The following ARHGEF10 variants were observed in gnomAD, a reference collection of about 807,000 sequenced individuals.
ARHGEF10 encodes Rho guanine nucleotide exchange factor 10, also known as Rho guanine nucleotide exchange factor (GEF) 10.
In ARHGEF10, 140 loss-of-function variants were observed where a neutral mutation model predicts 147.4. The observed-to-expected ratio is 0.95, with a 90% CI of 0.83 to 1.09. The LOEUF is 1.09. Ranked by LOEUF, ARHGEF10 falls within the 50% of genes least tolerant of loss-of-function variation. ARHGEF10 has a pLI of 0.00. For synonymous variants in ARHGEF10, 902 were observed against 695.8 expected, an observed-to-expected ratio of 1.30 and a Z score of -4.67; for missense variants, 2,222 against 1,752.7, an observed-to-expected ratio of 1.27 and a Z score of -4.78.
intron 5 of ARHGEF10, among the ~76,000 whole-genome samples, chr8:1,866,019 G>T (rs922449157): frequency 5.9e-5 from 9 of 152,236 alleles, no homozygotes; most frequent in Non-Finnish European, 8.8e-5. Context: ...TGACACCGCA[G>T]TCCCTGTGTG....
intron 2 of ARHGEF10, among the ~76,000 whole-genome samples, chr8:1,853,827 C>T (rs1805337898): frequency 2.6e-5 from 4 of 152,096 alleles, no homozygotes; most frequent in Non-Finnish European, 4.4e-5. Flanking sequence ...CCCGGGAGTT[C>T]CTGCAGCTGC....
At chr8:1,947,260 C>A (rs1814665595) in intron 27 of ARHGEF10, among the ~76,000 whole-genome samples, 1 of 152,208 alleles carries the variant, frequency 6.6e-6, no homozygotes, top group African/African-American at 2.4e-5. Flanking sequence ...CTCCACTCGA[C>A]CTCCCGTGGG....
chr8:1,916,087 G>A (rs537545930), intron 18 of ARHGEF10, among the ~76,000 whole-genome samples: 5 of 152,332 alleles, frequency 3.3e-5, no homozygotes, highest in African/African-American at 4.8e-5. Context: ...CATAAGTCTC[G>A]TGGAGAAGAC....
chr8:1,942,628 A>G (rs934671995), intron 26 of ARHGEF10, among the ~76,000 whole-genome samples: 1 of 151,662 alleles, frequency 6.6e-6, no homozygotes, highest in Middle Eastern at 3.2e-3. Context: ...CCTGATACTC[A>G]TGCAGACACG....
intron 26 of ARHGEF10, among the ~76,000 whole-genome samples, chr8:1,938,794 G>A (rs1325381178): frequency 3.9e-5 from 6 of 152,012 alleles, no homozygotes; most frequent in Non-Finnish European, 8.8e-5. Flanking sequence ...AAAACAACAG[G>A]CCCAGGTCAG....
intron 27 of ARHGEF10, among the ~76,000 whole-genome samples, chr8:1,946,246 C>T (rs1239522493): frequency 1.3e-5 from 2 of 152,116 alleles, no homozygotes; most frequent in African/African-American, 2.4e-5. Flanking sequence ...GCTGTGGGGT[C>T]CGTGGAAGGG....
At chr8:1,940,743 A>G (rs1424526221) in intron 26 of ARHGEF10, among the ~76,000 whole-genome samples, 2 of 152,218 alleles carry the variant, frequency 1.3e-5, no homozygotes, top group African/African-American at 2.4e-5. Flanking sequence ...GCAAATTGAA[A>G]TCAACAGCGT....
chr8:1,906,827 G>A (rs925343832), intron 17 of ARHGEF10, among the ~76,000 whole-genome samples: 1 of 152,246 alleles, frequency 6.6e-6, no homozygotes, highest in African/African-American at 2.4e-5. Flanking sequence ...ACACGGCACT[G>A]CCTGCGAGGG....
intron 2 of ARHGEF10, among the ~76,000 whole-genome samples, chr8:1,846,533 TC>T (rs1489854226): frequency 6.6e-6 from 1 of 152,218 alleles, no homozygotes; most frequent in Non-Finnish European, 1.5e-5. Context: ...CTGGTTTTTT[TC>T]CCCATATTTC....
chr8:1,849,529 G>A (rs1451380814), intron 2 of ARHGEF10, among the ~76,000 whole-genome samples: 3 of 150,512 alleles, frequency 2.0e-5, no homozygotes, highest in Non-Finnish European at 4.4e-5. Context: ...GCTGAGGAGG[G>A]CGTGGGGCGG....
chr8:1,894,299 A>G, intron 12 of ARHGEF10, 94 bp from the exon 13 acceptor site: 1 of 1,341,372 alleles, frequency 7.5e-7, no homozygotes. Context: ...GCAGTGAGCC[A>G]TGATCGCACC....
In ARHGEF10 at chr8:1,923,547, C is replaced by T. The variant is rs771161784; in HGVS notation, c.2339C>T (p.Ala780Val). 6.2e-7 allele frequency: 1 copy of T among 1,614,080 alleles called. No individual in the cohort carries two copies. The highest frequency in any genetic ancestry group is 8.5e-7 in the Non-Finnish European group (1 of 1,180,040). The stretch of plus-strand genomic sequence containing the variant: ...TTGAAGAAAGAAGATGAAATCAGAG[C>T]TGCGGACTGCTGCAGAATTCAGTTA... ...LILKKEDEIR[A>V]ADCCRIQLQL... The change falls in exon 20 of 29, where the codon GCT becomes GTT. Residue 780 changes from alanine to valine, a missense_variant. Coordinates refer to ENST00000349830, the MANE Select transcript of ARHGEF10 (RefSeq NM_014629.4).
chr8:1,837,460 C>G (rs1049019250), intron 1 of ARHGEF10, among the ~76,000 whole-genome samples: 3 of 152,236 alleles, frequency 2.0e-5, no homozygotes, highest in Non-Finnish European at 4.4e-5. Flanking sequence ...ATCAATTTGA[C>G]TCATTTTTAT....
intron 14 of ARHGEF10, 33 bp downstream of exon 14, chr8:1,896,482 C>T (rs1809984647): frequency 7.0e-7 from 1 of 1,423,934 alleles, no homozygotes; most frequent in Admixed American, 1.7e-5. Flanking sequence ...TGGGTTTTAA[C>T]ACCATCTGAT....
At chr8:1,918,848 G>A (rs1811963808) in intron 18 of ARHGEF10, among the ~76,000 whole-genome samples, 1 of 151,728 alleles carries the variant, frequency 6.6e-6, no homozygotes, top group South Asian at 2.1e-4. Flanking sequence ...GTGGGTGATA[G>A]AGCTGTTATG....
chr8:1,921,674 G>A (rs1016212513), intron 18 of ARHGEF10, among the ~76,000 whole-genome samples: 1 of 152,154 alleles, frequency 6.6e-6, no homozygotes, highest in Non-Finnish European at 1.5e-5. Flanking sequence ...GGCAGAGGTT[G>A]CAGTGAGCTG....
chr8:1,856,795 G>A (rs1805587744), intron 2 of ARHGEF10, among the ~76,000 whole-genome samples: 2 of 152,234 alleles, frequency 1.3e-5, no homozygotes, highest in Admixed American at 1.3e-4. Context: ...TGCTTCTGTG[G>A]ATTGCCGGGC....
intron 6 of ARHGEF10, among the ~76,000 whole-genome samples, chr8:1,868,787 C>T (rs1425728054): frequency 1.3e-5 from 2 of 151,996 alleles, no homozygotes; most frequent in East Asian, 1.9e-4. Context: ...TTTTTTTGTG[C>T]GTCAGAACGT....
At chr8:1,935,536 C>G (rs1490303028) in intron 26 of ARHGEF10, among the ~76,000 whole-genome samples, 4 of 152,158 alleles carry the variant, frequency 2.6e-5, no homozygotes, top group Non-Finnish European at 5.9e-5. Context: ...TAAGTACGAC[C>G]TGGTTGGAAC....
Sources: allele counts gnomAD v4.1 joint callset (sites outside exome capture counted in the v4.1 genomes callset), GRCh38; gene constraint gnomAD v4.1.1; transcripts MANE v1.5; gene names NCBI Gene and HGNC (gene_info 2026-07-23, HGNC 2026-07-21).